The following UNC80 variants were observed in gnomAD, a reference collection of about 807,000 sequenced individuals.
UNC80 encodes unc-80 subunit of NALCN channel complex.
In UNC80, 164 loss-of-function variants were observed where a neutral mutation model predicts 384.6. The ratio of observed to expected loss-of-function variants is 0.43; its 90% CI spans 0.38 to 0.49. The LOEUF (loss-of-function observed/expected upper bound fraction) is 0.49, where lower values mean the gene tolerates loss of function less well. Ranked by LOEUF, UNC80 falls within the 20% of genes least tolerant of loss-of-function variation. UNC80 has a pLI of 0.00. For missense variants in UNC80, 3,330 were observed against 4,143.0 expected, an observed-to-expected ratio of 0.80 and a Z score of 5.39; for synonymous variants, 1,486 against 1,527.8, an observed-to-expected ratio of 0.97 and a Z score of 0.64.
chr2:209,839,297 A>G lies in UNC80; in HGVS notation c.3117A>G (p.Ala1039=). 1 of 1,551,690 alleles carries G rather than the reference A, an allele frequency of 6.4e-7. No homozygotes were observed. The highest frequency in any genetic ancestry group is 8.7e-7 in the Non-Finnish European group (1 of 1,147,010). Residue 1039 remains alanine, a synonymous_variant, in exon 19 of 65, where the codon GCA becomes GCG. Transcript: ENST00000673920. The surrounding 1 kb of genome is among the most constrained non-coding windows in gnomAD (Gnocchi z 4.1). ...WRKMFKSQSA[A]SDTSSQSEQD... Reference sequence around the variant, plus strand: ...AGATGTTCAAGTCCCAGAGTGCAGCAAGTGACACCAGCAGCCAGTCTGAAC... The same window carrying G: ...AGATGTTCAAGTCCCAGAGTGCAGCGAGTGACACCAGCAGCCAGTCTGAAC...
chr2:209,993,909 C>G (rs1490032728), intron 63 of UNC80, among the ~76,000 whole-genome samples, 156 bp from the exon 64 acceptor site: 1 of 152,208 alleles, frequency 6.6e-6, no homozygotes, highest in African/African-American at 2.4e-5. Context: ...ATCAAACATG[C>G]GCAAAATGTT....
chr2:209,977,563 A>C (rs947069500), intron 58 of UNC80, among the ~76,000 whole-genome samples: 1 of 152,250 alleles, frequency 6.6e-6, no homozygotes, highest in African/African-American at 2.4e-5. Context: ...TAGATAAATA[A>C]TTTACAAGTA....
At chr2:209,866,531 C>CAGAG (rs1381638930) in intron 22 of UNC80, among the ~76,000 whole-genome samples, 321 of 121,914 alleles carry the variant, frequency 2.6e-3, no homozygotes, top group South Asian at 0.011. Context: ...CACACACACA[C>CAGAG]ACAGAGAGAG....
At chr2:209,796,058 T>C (rs2078132989) in intron 7 of UNC80, 1 of 152,126 alleles carries the variant, frequency 6.6e-6, no homozygotes, top group African/African-American at 2.4e-5. Flanking sequence ...CACCAGCCTG[T>C]GAAAGCAGCC....
chr2:209,870,853 G>A (rs565583326), intron 22 of UNC80, among the ~76,000 whole-genome samples: 1 of 152,054 alleles, frequency 6.6e-6, no homozygotes, highest in Admixed American at 6.6e-5. Flanking sequence ...TCTCAGAGGA[G>A]GTAACTAACT....
At chr2:209,917,748 A>T in intron 31 of UNC80, 29 bp from the exon 32 acceptor site, 1 of 1,550,702 alleles carries the variant, frequency 6.4e-7, no homozygotes, top group Non-Finnish European at 8.7e-7. Context: ...TTTTAAAAGC[A>T]TAGCTGATGA....
At chr2:209,918,206 A>G (rs2089717611) in intron 32 of UNC80, among the ~76,000 whole-genome samples, 1 of 152,340 alleles carries the variant, frequency 6.6e-6, no homozygotes, top group Non-Finnish European at 1.5e-5. Flanking sequence ...AGAGGTAAGC[A>G]TATGAAAGTC....
At chr2:209,812,254 G>A (rs1410921133) in intron 7 of UNC80, among the ~76,000 whole-genome samples, 1 of 151,132 alleles carries the variant, frequency 6.6e-6, no homozygotes, top group Non-Finnish European at 1.5e-5. Context: ...TAGAGACGGG[G>A]TTTCACCGTG....
chr2:209,792,430 C>G (rs983816692), intron 6 of UNC80, among the ~76,000 whole-genome samples: 3 of 152,252 alleles, frequency 2.0e-5, no homozygotes, highest in African/African-American at 7.2e-5. Context: ...TCACTGAAAG[C>G]TCCGCCTCCC....
In UNC80 at chr2:209,777,467, G is replaced by A; in HGVS notation, c.508G>A (p.Glu170Lys). 6.2e-7 allele frequency: 1 copy of A among 1,614,178 alleles called. No homozygotes were observed. Among genetic ancestry groups the A allele is most frequent in the Non-Finnish European group, 8.5e-7 (1 of 1,180,034 alleles). The part of the protein sequence containing the change: ...QPCQSSSNDE[E>K]ENNRRKIFQN... The stretch of plus-strand genomic sequence containing the variant: ...TTGCCAAAGCAGCTCTAATGACGAA[G>A]AAGAGAACAACCGAAGAAAGATCTT... Residue 170 changes from glutamate (E) to lysine (K), a missense_variant, in exon 4 of 65, where the codon GAA (glutamate) becomes AAA (lysine). Transcript: ENST00000673920.
At chr2:209,782,539 T>C (rs2077208142) in intron 4 of UNC80, among the ~76,000 whole-genome samples, 1 of 152,080 alleles carries the variant, frequency 6.6e-6, no homozygotes, top group Non-Finnish European at 1.5e-5. Context: ...CTTTCTCCCC[T>C]ACTAGATTCT....
At position 209,771,934 on chromosome 2, in the gene UNC80, G is replaced by A. The variant is rs2076595037; in HGVS notation, c.-139G>A. 3 of 664,066 alleles carry A rather than the reference G, an allele frequency of 4.5e-6. No homozygotes were observed. Among genetic ancestry groups the A allele is most frequent in the South Asian group, 1.6e-5 (1 of 63,580 alleles). The allele number at this position is 664,066 out of a possible 1,614,324, so 41.1% of individuals were successfully genotyped here. On this transcript the variant is annotated 5_prime_UTR_variant, in exon 1 of 65. Coordinates refer to ENST00000673920, the MANE Select transcript of UNC80 (RefSeq NM_001371986.1). Reference sequence around the variant, plus strand: ...AGGGGTGGGGGGAGGGGAGAGGCACGGGGGATCAGGGCGGAGAGAGCCGGC... The same window carrying A: ...AGGGGTGGGGGGAGGGGAGAGGCACAGGGGATCAGGGCGGAGAGAGCCGGC...
chr2:209,849,605 A>C lies in UNC80; in HGVS notation c.3609A>C (p.Leu1203=), dbSNP rs1450610826. ...GGACAATTCCTGATGCCTCCATCCT[A>C]GCAGCTGCCTTGGATCTAGTAAGTT... is the stretch of plus-strand genomic sequence containing the variant. The part of the protein sequence containing the change: ...EPGTIPDASI[L]AAALDLEAPV... The change falls in exon 22 of 65, where the codon CTA becomes CTC. Residue 1203 remains leucine, a synonymous_variant. Transcript: ENST00000673920. 4.5e-6 allele frequency: 7 copies of C among 1,550,646 alleles called. No homozygotes were observed. In the African/African-American group the frequency reaches 9.6e-5, roughly 21 times the overall value.
chr2:209,804,858 G>T (rs2078793919), intron 7 of UNC80, among the ~76,000 whole-genome samples: 1 of 151,534 alleles, frequency 6.6e-6, no homozygotes, highest in South Asian at 2.1e-4. Context: ...CTCCGAAAGG[G>T]CCTTTTATCT....
chr2:209,867,128 C>A (rs564600405), intron 22 of UNC80, among the ~76,000 whole-genome samples: 45 of 152,266 alleles, frequency 3.0e-4, no homozygotes, highest in Admixed American at 5.2e-4. Flanking sequence ...TATTTAAGAC[C>A]TGTGTTAGAA....
chr2:209,921,120 A>G (rs1307758164), intron 33 of UNC80, among the ~76,000 whole-genome samples: 1 of 152,138 alleles, frequency 6.6e-6, no homozygotes, highest in African/African-American at 2.4e-5. Flanking sequence ...GAGCCACCAC[A>G]CCTGGCCTGA....
intron 61 of UNC80, among the ~76,000 whole-genome samples, chr2:209,989,442 T>C (rs960436892): frequency 6.6e-6 from 1 of 152,188 alleles, no homozygotes; most frequent in African/African-American, 2.4e-5. Context: ...GAAATACACA[T>C]TTCACTTATC....
chr2:209,926,052 A>G (rs2090408612), intron 35 of UNC80, among the ~76,000 whole-genome samples: 1 of 152,070 alleles, frequency 6.6e-6, no homozygotes, highest in Non-Finnish European at 1.5e-5. Context: ...CCTATATGCA[A>G]TTATATTTAT....
chr2:209,991,921 G>A (rs922418956), intron 61 of UNC80, among the ~76,000 whole-genome samples: 1 of 152,156 alleles, frequency 6.6e-6, no homozygotes, highest in Non-Finnish European at 1.5e-5. Context: ...AATGTTTTCT[G>A]AATGATAGAT....
Sources: allele counts gnomAD v4.1 joint callset (sites outside exome capture counted in the v4.1 genomes callset), GRCh38; gene constraint gnomAD v4.1.1; non-coding constraint Gnocchi (gnomAD v3.1); transcripts MANE v1.5; gene names NCBI Gene and HGNC (gene_info 2026-07-23, HGNC 2026-07-21).